The following BMP6 variants were observed in gnomAD, a reference collection of about 807,000 sequenced individuals.
BMP6 encodes the protein VG-1-R.
A neutral mutation model predicts 54.1 loss-of-function variants in BMP6; 17 were observed. The ratio of observed to expected loss-of-function variants is 0.31; its 90% CI spans 0.22 to 0.47. The LOEUF is 0.47. Ranked by LOEUF, BMP6 falls within the 20% of genes least tolerant of loss-of-function variation. BMP6 has a pLI of 1.00. For missense variants in BMP6, 720 were observed against 690.4 expected (o/e 1.04, Z -0.48); for synonymous variants, 328 against 291.2 (o/e 1.13, Z -1.28).
In BMP6 at chr6:7,766,961, TTTA is replaced by T. The variant is rs1380646208; in HGVS notation, c.664+39345_664+39347del. Among the ~76,000 whole-genome samples the T allele has an allele frequency of 6.6e-4, 55 of 82,922 alleles. 1 individual carries two copies. Among genetic ancestry groups the T allele is most frequent in the East Asian group, 5.4e-3 (21 of 3,868 alleles). The allele number at this position is 82,922 out of a possible 152,430, so 54.4% of individuals were successfully genotyped here. A position where few individuals can be genotyped will look rare whatever the true frequency, so the allele number is the denominator to read the frequency against. ...AATTTTTATTTTTATTTTTTATTTATTTATTTATTTTTTTAAATGATAGTTTGT... is the reference window on the plus strand; with the variant it reads ...AATTTTTATTTTTATTTTTTATTTATTTTATTTTTTTAAATGATAGTTTGT... On this transcript the variant is annotated intron_variant, in intron 1 of 6. Transcript: ENST00000283147.
At chr6:7,812,915 T>C (rs1431035160) in intron 1 of BMP6, among the ~76,000 whole-genome samples, 1 of 149,784 alleles carries the variant, frequency 6.7e-6, no homozygotes, top group Non-Finnish European at 1.5e-5. Flanking sequence ...GCTACCTTTC[T>C]CTGAGTTCTG....
intron 1 of BMP6, among the ~76,000 whole-genome samples, chr6:7,728,536 C>T (rs561073529): frequency 1.3e-5 from 2 of 152,332 alleles, no homozygotes; most frequent in South Asian, 2.1e-4. Context: ...TGAGTTTTCT[C>T]ATCTGTAAAT....
intron 1 of BMP6, among the ~76,000 whole-genome samples, chr6:7,789,677 C>T (rs916414270): frequency 7.2e-5 from 11 of 152,066 alleles, no homozygotes; most frequent in Non-Finnish European, 1.2e-4. Flanking sequence ...AGTGTCTTGA[C>T]GGCTTCCTTT....
intron 1 of BMP6, among the ~76,000 whole-genome samples, chr6:7,807,513 T>TCA (rs559686196): frequency 9.3e-4 from 142 of 152,228 alleles, no homozygotes; most frequent in African/African-American, 3.2e-3. Context: ...ACTCCTGACC[T>TCA]AGTGATCCGC....
At chr6:7,735,408 C>T (rs1348283161) in intron 1 of BMP6, among the ~76,000 whole-genome samples, 1 of 152,116 alleles carries the variant, frequency 6.6e-6, no homozygotes, top group Non-Finnish European at 1.5e-5. Flanking sequence ...AGTTATTTTC[C>T]CTCCCTCCTT....
chr6:7,813,458 CAAA>C (rs58314970), intron 1 of BMP6, among the ~76,000 whole-genome samples: 55 of 64,366 alleles, frequency 8.5e-4, no homozygotes, highest in Non-Finnish European at 1.2e-3. Flanking sequence ...CCTGTCTCTA[CAAA>C]AAAAAAAAAA....
chr6:7,727,532 G>A lies in BMP6; in HGVS notation c.577G>A (p.Gly193Ser). The change falls in exon 1 of 7, where the codon GGC (glycine) becomes AGC (serine). Residue 193 changes from glycine (G) to serine (S), a missense_variant. By Grantham distance (56) the Gly-to-Ser change is moderately conservative. This residue lies in a region of BMP6 where 650 missense variants were observed against 556.3 expected (regional missense o/e 1.17). Transcript: ENST00000283147. ...NRKSLLAPGS[G>S]SGGASPLTSA... ...CAAGAGCCTTCTGGCCCCCGGATCT[G>A]GCAGCGGCGGCGCGTCCCCACTGAC... 1 of 1,595,168 alleles carries A rather than the reference G, an allele frequency of 6.3e-7. No homozygotes were observed. Among genetic ancestry groups the A allele is most frequent in the Non-Finnish European group, 8.5e-7 (1 of 1,177,736 alleles).
chr6:7,833,250 A>C (rs145595086), intron 1 of BMP6, among the ~76,000 whole-genome samples: 15 of 152,318 alleles, frequency 9.8e-5, no homozygotes, highest in African/African-American at 3.6e-4. Flanking sequence ...AACACTTTCA[A>C]CGTGACTGAT....
At chr6:7,854,572 G>A (rs1184818826) in intron 2 of BMP6, among the ~76,000 whole-genome samples, 5 of 152,170 alleles carry the variant, frequency 3.3e-5, no homozygotes, top group East Asian at 3.9e-4. Flanking sequence ...CGGGGCAGGC[G>A]GGTCATTTGA....
intron 4 of BMP6, among the ~76,000 whole-genome samples, chr6:7,877,186 A>C (rs1225934): frequency 0.54 from 82,377 of 152,066 alleles, 25,151 homozygotes; most frequent in African/African-American, 0.81. Context: ...CTTAAAGTTA[A>C]AGGCAGGGTG....
At chr6:7,869,078 CT>C (rs754746751) in intron 4 of BMP6, among the ~76,000 whole-genome samples, 21 of 152,380 alleles carry the variant, frequency 1.4e-4, no homozygotes, top group South Asian at 2.1e-4. Flanking sequence ...CGCACCCCCC[CT>C]GGGAGCCCAC....
intron 1 of BMP6, among the ~76,000 whole-genome samples, chr6:7,833,844 G>T (rs181597408): frequency 3.3e-5 from 5 of 152,338 alleles, no homozygotes; most frequent in African/African-American, 1.2e-4. Context: ...GAAAGATAAA[G>T]ACTTCAAATT....
At chr6:7,778,147 A>G (rs1268088934) in intron 1 of BMP6, among the ~76,000 whole-genome samples, 2 of 152,322 alleles carry the variant, frequency 1.3e-5, no homozygotes, top group Non-Finnish European at 2.9e-5. Context: ...GAAACTTTGT[A>G]GGGAGAGGTG....
At chr6:7,765,902 G>A (rs1205987769) in intron 1 of BMP6, among the ~76,000 whole-genome samples, 2 of 152,066 alleles carry the variant, frequency 1.3e-5, no homozygotes, top group African/African-American at 2.4e-5. Flanking sequence ...ATTTCTCTCC[G>A]TTACTCCCAC....
intron 2 of BMP6, among the ~76,000 whole-genome samples, chr6:7,854,706 G>A (rs1260764390): frequency 6.6e-6 from 1 of 152,240 alleles, no homozygotes; most frequent in African/African-American, 2.4e-5. Context: ...TGAGGCAGGA[G>A]AATCACTTGA....
intron 1 of BMP6, among the ~76,000 whole-genome samples, chr6:7,749,144 C>T (rs976842372): frequency 5.3e-5 from 8 of 152,174 alleles, no homozygotes; most frequent in African/African-American, 1.4e-4. Flanking sequence ...GTACCTCCAC[C>T]GGGGAGGGGT....
At position 7,727,230 on chromosome 6, in the gene BMP6, G is replaced by A. The variant is rs773751065; in HGVS notation, c.275G>A (p.Arg92Gln). Residue 92 changes from arginine to glutamine, a missense_variant, in exon 1 of 7, where the codon CGG becomes CAG. Arg to Gln is a conservative substitution (Grantham distance 43, BLOSUM62 1). Transcript: ENST00000283147. ...TTGTCGGTGCTGGGGCTCCCGCACCGGCCCCGGCCCCTGCACGGCCTCCAA... is the reference window on the plus strand; with the variant it reads ...TTGTCGGTGCTGGGGCTCCCGCACCAGCCCCGGCCCCTGCACGGCCTCCAA... ...EILSVLGLPH[R>Q]PRPLHGLQQP... 17 of 1,605,744 alleles carry A rather than the reference G, an allele frequency of 1.1e-5. No individual in the cohort carries two copies. The highest frequency in any genetic ancestry group is 6.6e-5 in the South Asian group (6 of 90,502).
chr6:7,870,905 A>C (rs947107402), intron 4 of BMP6, among the ~76,000 whole-genome samples: 3 of 152,204 alleles, frequency 2.0e-5, no homozygotes, highest in Non-Finnish European at 4.4e-5. Flanking sequence ...CTGGGATTAC[A>C]GGCGTGAGCC....
At chr6:7,732,881 G>C (rs572487426) in intron 1 of BMP6, among the ~76,000 whole-genome samples, 1 of 147,912 alleles carries the variant, frequency 6.8e-6, no homozygotes, top group East Asian at 2.0e-4. Context: ...TATCAAAAAT[G>C]AACTATTCTA....
Sources: allele counts gnomAD v4.1 joint callset (sites outside exome capture counted in the v4.1 genomes callset), GRCh38; gene constraint gnomAD v4.1.1; regional missense constraint gnomAD v4.1.1; transcripts MANE v1.5; gene names NCBI Gene and HGNC (gene_info 2026-07-23, HGNC 2026-07-21).